SNX29: variants seen among roughly 807,000 people sequenced by gnomAD.
The protein encoded by SNX29 is sorting nexin 29.
Under a neutral mutation model 102.1 loss-of-function variants are expected in SNX29, and 78 were observed. That is an observed-to-expected ratio of 0.76 (90% CI 0.64 to 0.92). SNX29 has a LOEUF of 0.92. SNX29 is among the 40% of genes least tolerant of loss of function. The pLI is 0.00. For missense variants in SNX29, 1,280 were observed against 1,061.7 expected (o/e 1.21, Z -2.86); for synonymous variants, 580 against 414.5 (o/e 1.40, Z -4.85).
intron 18 of SNX29, among the ~76,000 whole-genome samples, chr16:12,431,891 C>G (rs1159729527): frequency 6.6e-6 from 1 of 152,202 alleles, no homozygotes; most frequent in Non-Finnish European, 1.5e-5. Context: ...TTTCAGCTAA[C>G]CAGGCAACCA....
In SNX29 at chr16:12,571,729, G is replaced by GA; in HGVS notation, c.*3100_*3101insA. On this transcript the variant is annotated 3_prime_UTR_variant, in exon 21 of 21. Transcript: ENST00000566228. Reference sequence around the variant, plus strand: ...TTCTAAGGGAGGGAGCTTAAAGGCTGCTAGAAACCTAGCCCAACCATCCAC... The same window carrying GA: ...TTCTAAGGGAGGGAGCTTAAAGGCTGACTAGAAACCTAGCCCAACCATCCAC... 1 of 1,044,618 alleles carries GA rather than the reference G, an allele frequency of 9.6e-7. No individual in the cohort carries two copies. The highest frequency in any genetic ancestry group is 1.2e-6 in the Non-Finnish European group (1 of 861,514). The allele number at this position is 1,044,618 out of a possible 1,614,324, so 64.7% of individuals were successfully genotyped here.
At chr16:12,322,347 G>T (rs928855594) in intron 15 of SNX29, among the ~76,000 whole-genome samples, 1 of 152,144 alleles carries the variant, frequency 6.6e-6, no homozygotes, top group African/African-American at 2.4e-5. Flanking sequence ...AGAGGGCAGG[G>T]AGGGGACCCT....
intron 16 of SNX29, among the ~76,000 whole-genome samples, chr16:12,379,621 G>A (rs1040160957): frequency 3.3e-5 from 5 of 152,200 alleles, no homozygotes; most frequent in Non-Finnish European, 7.3e-5. Flanking sequence ...AAAGGGAGGT[G>A]ATTATAAAAG....
intron 15 of SNX29, among the ~76,000 whole-genome samples, chr16:12,354,397 T>C (rs1188815772): frequency 1.3e-5 from 2 of 152,226 alleles, no homozygotes; most frequent in African/African-American, 2.4e-5. Context: ...TCTGCTCTTC[T>C]GGCTGTGGAA....
chr16:12,012,453 G>C (rs1175333840), intron 3 of SNX29, among the ~76,000 whole-genome samples: 1 of 152,078 alleles, frequency 6.6e-6, no homozygotes, highest in Admixed American at 6.6e-5. Flanking sequence ...TTGTTGTCCA[G>C]GCTGGAGTAC....
At chr16:12,512,368 A>ATATG (rs1262325770) in intron 19 of SNX29, among the ~76,000 whole-genome samples, 1 of 33,040 alleles carries the variant, frequency 3.0e-5, no homozygotes, top group African/African-American at 1.9e-4. Flanking sequence ...GGCCCAGGGA[A>ATATG]AATATATATA....
chr16:12,315,162 C>T lies in SNX29; in HGVS notation c.1782+37126C>T, dbSNP rs143001964. Among the ~76,000 whole-genome samples the T allele has an allele frequency of 3.1e-3, 472 of 152,300 alleles. 3 individuals carry two copies. Among genetic ancestry groups the T allele is most frequent in the African/African-American group, 0.011 (446 of 41,556 alleles). Reference sequence around the variant, plus strand: ...AGGGGAATGATAGAACCCCTGGTGACTGTGAAGCAGAAGAAGAGTGGCCAG... The same window carrying T: ...AGGGGAATGATAGAACCCCTGGTGATTGTGAAGCAGAAGAAGAGTGGCCAG... On this transcript the variant is annotated intron_variant, in intron 15 of 20. Transcript: ENST00000566228.
chr16:12,045,224 G>C (rs55788618), intron 5 of SNX29, among the ~76,000 whole-genome samples: 57,511 of 151,968 alleles, frequency 0.38, 11,435 homozygotes, highest in Middle Eastern at 0.45. Flanking sequence ...CTTTCTTTCT[G>C]TTAGTTGTAT....
chr16:12,240,079 A>G (rs2078056196), intron 14 of SNX29, among the ~76,000 whole-genome samples: 1 of 152,206 alleles, frequency 6.6e-6, no homozygotes, highest in African/African-American at 2.4e-5. Flanking sequence ...TTGTGTCTTT[A>G]AATATTATCT....
In SNX29 at chr16:12,524,737, C is replaced by G. The variant is rs1226715309; in HGVS notation, c.2214C>G (p.Leu738=). Reference sequence around the variant, plus strand: ...TTGTGGAGGAACGGAGAAAGCAGCTCCAGAATTACCTGCGCAGCGTCATGA... The same window carrying G: ...TTGTGGAGGAACGGAGAAAGCAGCTGCAGAATTACCTGCGCAGCGTCATGA... The part of the protein sequence containing the change: ...AKFVEERRKQ[L]QNYLRSVMNK... The change falls in exon 20 of 21, where the codon CTC becomes CTG. Residue 738 remains leucine (L), a synonymous_variant. Coordinates refer to ENST00000566228, the MANE Select transcript of SNX29 (RefSeq NM_032167.5). 1 of 1,613,530 alleles carries G rather than the reference C, an allele frequency of 6.2e-7. No individual in the cohort carries two copies. The highest frequency in any genetic ancestry group is 1.3e-5 in the African/African-American group (1 of 74,914).
intron 11 of SNX29, among the ~76,000 whole-genome samples, chr16:12,125,892 A>C (rs1175060721): frequency 6.6e-6 from 1 of 152,120 alleles, no homozygotes; most frequent in Non-Finnish European, 1.5e-5. Context: ...TCTGAGTAGC[A>C]GCACTGGGGA....
chr16:12,337,635 C>G (rs1023773548), intron 15 of SNX29, among the ~76,000 whole-genome samples: 1 of 152,200 alleles, frequency 6.6e-6, no homozygotes, highest in Non-Finnish European at 1.5e-5. Flanking sequence ...AGCCACTTCA[C>G]CTAGTCACAT....
intron 20 of SNX29, among the ~76,000 whole-genome samples, chr16:12,543,364 G>A (rs1471310304): frequency 1.3e-5 from 2 of 152,176 alleles, no homozygotes; most frequent in Non-Finnish European, 2.9e-5. Context: ...GCCCACCTAA[G>A]CTCATGGACT....
Position 12,344,752 on chromosome 16 carries a change from G to C in SNX29, c.1783-11411G>C, listed in dbSNP as rs565662127. Among the ~76,000 whole-genome samples the C allele has an allele frequency of 8.9e-4, 135 of 152,320 alleles. 2 individuals are homozygous for C. The South Asian group carries it at 0.02, about 23-fold the overall frequency. Reference sequence around the variant, plus strand: ...TTTCTCCTCCTGGGCTGCCTGCCCAGCAGGCTGGAGAAGGCTTTCTGTGCT... The same window carrying C: ...TTTCTCCTCCTGGGCTGCCTGCCCACCAGGCTGGAGAAGGCTTTCTGTGCT... On this transcript the variant is annotated intron_variant, in intron 15 of 20. Transcript: ENST00000566228.
intron 20 of SNX29, among the ~76,000 whole-genome samples, chr16:12,544,580 G>A (rs2077499851): frequency 6.6e-6 from 1 of 152,214 alleles, no homozygotes; most frequent in African/African-American, 2.4e-5. Flanking sequence ...TTGTTCTGCA[G>A]GCATTTCTTA....
At chr16:12,005,246 G>C (rs915432548) in intron 3 of SNX29, among the ~76,000 whole-genome samples, 26 of 152,140 alleles carry the variant, frequency 1.7e-4, no homozygotes, top group African/African-American at 5.8e-4. Context: ...GCCTACTATG[G>C]GGCCTGGCCT....
intron 15 of SNX29, among the ~76,000 whole-genome samples, chr16:12,334,583 C>T (rs1228240377): frequency 6.6e-6 from 1 of 152,184 alleles, no homozygotes; most frequent in Admixed American, 6.5e-5. Context: ...AATCTGGCAT[C>T]CTGGGCTGCA....
intron 18 of SNX29, among the ~76,000 whole-genome samples, chr16:12,460,240 C>A (rs140235121): frequency 6.6e-6 from 1 of 152,178 alleles, no homozygotes; most frequent in Non-Finnish European, 1.5e-5. Flanking sequence ...AGGCCTAGTG[C>A]GGCTGAAACT....
chr16:11,982,422 A>AT (rs2055439386), intron 1 of SNX29, among the ~76,000 whole-genome samples: 14 of 111,788 alleles, frequency 1.3e-4, no homozygotes, highest in African/African-American at 4.0e-4. Flanking sequence ...CCTTTCCATC[A>AT]GTTTTTTTTT....
Sources: gnomAD v4.1 joint callset for allele counts (sites outside exome capture counted in the v4.1 genomes callset) on GRCh38, gnomAD v4.1.1 for gene constraint, MANE v1.5 for transcripts, NCBI Gene and HGNC (gene_info 2026-07-23, HGNC 2026-07-21) for gene names.